POMT1: variants seen among roughly 807,000 people sequenced by gnomAD.
POMT1 encodes the protein protein O-mannosyl-transferase 1.
A neutral mutation model predicts 101.6 loss-of-function variants in POMT1; 85 were observed. The observed-to-expected ratio is 0.84, with a 90% CI of 0.70 to 1.00. The LOEUF (loss-of-function observed/expected upper bound fraction) is 1.00. Among genes scored for constraint, POMT1 ranks in the 50% least tolerant of loss-of-function variants. The probability of loss-of-function intolerance (pLI) is 0.00; values close to 1 mark genes in which losing one functional copy is unlikely to be tolerated. For synonymous variants in POMT1, 371 were observed against 383.0 expected (o/e 0.97, Z 0.37); for missense variants, 857 against 930.4 (o/e 0.92, Z 1.03).
chr9:131,510,089 C>T, intron 8 of POMT1, 93 bp downstream of exon 8: 2 of 1,614,090 alleles, frequency 1.2e-6, no homozygotes, highest in Non-Finnish European at 1.7e-6. Context: ...CTCCAATCCT[C>T]AATGTTTTAG....
intron 17 of POMT1, among the ~76,000 whole-genome samples, chr9:131,520,662 C>T (rs987914339): frequency 2.4e-4 from 37 of 152,204 alleles, no homozygotes; most frequent in Non-Finnish European, 5.9e-5. Flanking sequence ...GCGGGTAGGT[C>T]GGCTCAGCAT....
In POMT1 at chr9:131,515,492, C is replaced by T. The variant is rs1220995045; in HGVS notation, c.1242C>T (p.Ile414=). The T allele has an allele frequency of 1.2e-6, 2 of 1,614,222 alleles. No individual in the cohort carries two copies. The highest frequency in any genetic ancestry group is 3.3e-5 in the Admixed American group (2 of 60,024). The change falls in exon 13 of 20, where the codon ATC becomes ATT. Residue 414 remains isoleucine, a synonymous_variant. Transcript: ENST00000402686. ...QEVSCYIDYN[I]SMPAQNLWRL... ...TCTCCTGCTACATTGACTATAACATCTCCATGCCCGCCCAGAACCTCTGGA... is the reference window on the plus strand; with the variant it reads ...TCTCCTGCTACATTGACTATAACATTTCCATGCCCGCCCAGAACCTCTGGA...
rs1356336104 is a variant in POMT1 at position 131,523,381 on chromosome 9, CATT to C, written c.*276_*278del. ...GTATTTCAGAGGCCAGCGTAGGAGT[CATT>C]GACAACAAAAAGCCGAGAACCCAGG... On this transcript the variant is annotated 3_prime_UTR_variant, in exon 20 of 20. Coordinates refer to ENST00000402686, the MANE Select transcript of POMT1 (RefSeq NM_001077365.2). 3 of 478,894 alleles carry C rather than the reference CATT, an allele frequency of 6.3e-6. No homozygotes were observed. The highest frequency in any genetic ancestry group is 5.9e-5 in the African/African-American group (3 of 50,976). The allele number at this position is 478,894 out of a possible 1,614,324, so 29.7% of individuals were successfully genotyped here. A position where few individuals can be genotyped will look rare whatever the true frequency, so the allele number is the denominator to read the frequency against.
At chr9:131,521,661 A>G (rs1479253219) in intron 18 of POMT1, among the ~76,000 whole-genome samples, 189 bp downstream of exon 18, 1 of 152,030 alleles carries the variant, frequency 6.6e-6, no homozygotes, top group Non-Finnish European at 1.5e-5. Context: ...ATAGGAACCT[A>G]CCCCTTAACG....
intron 13 of POMT1, chr9:131,518,179 A>G (rs894693030): frequency 3.9e-6 from 2 of 517,304 alleles, no homozygotes; most frequent in African/African-American, 2.0e-5. Flanking sequence ...GAAGAACATC[A>G]GGCTTTGTAT....
chr9:131,504,749 GTGTGTA>G (rs1167033018), intron 2 of POMT1, among the ~76,000 whole-genome samples: 1,617 of 29,044 alleles, frequency 0.056, 23 homozygotes, highest in Non-Finnish European at 0.083. Flanking sequence ...ACTGATTAAT[GTGTGTA>G]TGTGTGTGTG....
intron 5 of POMT1, among the ~76,000 whole-genome samples, chr9:131,508,460 G>A (rs753140270): frequency 5.3e-5 from 8 of 152,184 alleles, no homozygotes; most frequent in Non-Finnish European, 1.2e-4. Context: ...GAACCCGGGA[G>A]GCGGAGGTTG....
Position 131,510,254 on chromosome 9 carries a change from T to C in POMT1, c.700-6T>C, listed in dbSNP as rs1446696566. 3 of 1,614,264 alleles carry C rather than the reference T, an allele frequency of 1.9e-6. No individual in the cohort carries two copies. The East Asian group carries it at 6.7e-5, about 36-fold the overall frequency. Reference sequence around the variant, plus strand: ...GGAACATGACTTTTCTTTGAATCTCTGGCAGGTCTGTGTGTTCTGTCACTT... The same window carrying C: ...GGAACATGACTTTTCTTTGAATCTCCGGCAGGTCTGTGTGTTCTGTCACTT... On this transcript the variant is annotated splice_region_variant and splice_polypyrimidine_tract_variant and intron_variant, in intron 8 of 19. Coordinates refer to ENST00000402686, the MANE Select transcript of POMT1 (RefSeq NM_001077365.2).
Position 131,504,254 on chromosome 9 carries a change from G to T in POMT1, c.36G>T (p.Thr12=), listed in dbSNP as rs201262353. The change falls in exon 2 of 20, where the codon ACG becomes ACT. Residue 12 remains threonine, a synonymous_variant. Transcript: ENST00000402686. ...WGFLKRPVVV[T]ADINLSLVAL... Reference sequence around the variant, plus strand: ...TTTTGAAGCGCCCTGTAGTGGTGACGGCTGACATCAACTTGAGCCTTGTGG... The same window carrying T: ...TTTTGAAGCGCCCTGTAGTGGTGACTGCTGACATCAACTTGAGCCTTGTGG... 6.2e-7 allele frequency: 1 copy of T among 1,614,170 alleles called. No individual in the cohort carries two copies. The highest frequency in any genetic ancestry group is 2.2e-5 in the East Asian group (1 of 44,880).
chr9:131,518,952 G>A lies in POMT1; in HGVS notation c.1481G>A (p.Gly494Asp). 1 of 1,613,504 alleles carries A rather than the reference G, an allele frequency of 6.2e-7. No individual in the cohort carries two copies. The highest frequency in any genetic ancestry group is 8.5e-7 in the Non-Finnish European group (1 of 1,180,032). Residue 494 changes from glycine to aspartate, a missense_variant, in exon 15 of 20, where the codon GGC becomes GAC. Physicochemically the swap from Gly to Asp is moderately conservative, Grantham distance 94 (BLOSUM62 -1). Transcript: ENST00000402686. ...TVWNVEEHRY[G>D]ASQEQRERER... ...TGGAACGTGGAGGAGCACCGATACG[G>A]CGCGAGTGAGTCCGCGGCGTGGCTT...
intron 10 of POMT1, chr9:131,511,817 G>A (rs1947170569): frequency 6.7e-6 from 4 of 596,986 alleles, no homozygotes; most frequent in South Asian, 4.0e-5. Flanking sequence ...GAAACTTTAG[G>A]AGAAAGGCGT....
rs1208604667 is a variant in POMT1, at chr9:131,523,129, C to T, written c.*23C>T. ...TAGAACAAGAGTGTGGCAAAGAACA[C>T]CCGTGCTGGGGTCGGGATGAGGTTG... On this transcript the variant is annotated 3_prime_UTR_variant, in exon 20 of 20. Transcript: ENST00000402686. 6.2e-7 allele frequency: 1 copy of T among 1,607,916 alleles called. No homozygotes were observed. Among genetic ancestry groups the T allele is most frequent in the Non-Finnish European group, 8.5e-7 (1 of 1,179,042 alleles).
intron 18 of POMT1, 76 bp from the exon 19 acceptor site, chr9:131,521,971 C>G: frequency 6.2e-7 from 1 of 1,603,072 alleles, no homozygotes; most frequent in Non-Finnish European, 8.5e-7. Flanking sequence ...AACCCTCTCT[C>G]TAAAAAAGCA....
At chr9:131,514,231 C>G (rs1947788737) in intron 12 of POMT1, among the ~76,000 whole-genome samples, 1 of 152,206 alleles carries the variant, frequency 6.6e-6, no homozygotes, top group Non-Finnish European at 1.5e-5. Context: ...GGACCGTGCA[C>G]AACCCACTTG....
In POMT1 at chr9:131,503,926, C is replaced by T. The variant is rs538738975; in HGVS notation, c.-30-263C>T. Among the ~76,000 whole-genome samples, 31 of 152,184 alleles carry T rather than the reference C, an allele frequency of 2.0e-4. No individual in the cohort carries two copies. The highest frequency in any genetic ancestry group is 3.8e-4 in the Non-Finnish European group (26 of 68,028). Reference sequence around the variant, plus strand: ...CTTAGCAGTGTTCTCGCGCCCAAGACGTGCTCGGCAGGTTTTGTGGAATGA... The same window carrying T: ...CTTAGCAGTGTTCTCGCGCCCAAGATGTGCTCGGCAGGTTTTGTGGAATGA... On this transcript the variant is annotated intron_variant, in intron 1 of 19. Transcript: ENST00000402686. The surrounding 1 kb of genome is among the most constrained non-coding windows in gnomAD (Gnocchi z 4.4).
chr9:131,505,766 G>C lies in POMT1; in HGVS notation c.123-348G>C, dbSNP rs149965169. 0.018 allele frequency among the ~76,000 whole-genome samples: 2,746 copies of C among 150,382 alleles called. 28 individuals are homozygous for C. Among genetic ancestry groups the C allele is most frequent in the Non-Finnish European group, 0.029 (1,985 of 67,428 alleles). ...GTGCTGCTGGTGGGGGCGGGGGTGG[G>C]GGGGTTGGGTAGGTGGGTAAGCAGG... On this transcript the variant is annotated intron_variant, in intron 2 of 19. Transcript: ENST00000402686.
At chr9:131,506,865 G>A (rs376914397) in intron 4 of POMT1, 4 of 282,680 alleles carry the variant, frequency 1.4e-5, no homozygotes, top group East Asian at 1.8e-4. Flanking sequence ...TCAGGAGATC[G>A]AGACCATTAT....
chr9:131,521,979 G>A, intron 18 of POMT1, 68 bp from the exon 19 acceptor site: 2 of 1,606,820 alleles, frequency 1.2e-6, no homozygotes, highest in South Asian at 1.1e-5. Context: ...CTCTAAAAAA[G>A]CAAAAGAGAG....
At position 131,510,251 on chromosome 9, in the gene POMT1, C is replaced by A; in HGVS notation, c.700-9C>A. The A allele has an allele frequency of 6.2e-7, 1 of 1,614,236 alleles. No individual in the cohort carries two copies. On this transcript the variant is annotated splice_polypyrimidine_tract_variant and intron_variant, in intron 8 of 19. Coordinates refer to ENST00000402686, the MANE Select transcript of POMT1 (RefSeq NM_001077365.2). ...AGTGGAACATGACTTTTCTTTGAAT[C>A]TCTGGCAGGTCTGTGTGTTCTGTCA...
Sources: gnomAD v4.1 joint callset for allele counts (sites outside exome capture counted in the v4.1 genomes callset) on GRCh38, gnomAD v4.1.1 for gene constraint, Gnocchi (gnomAD v3.1) non-coding constraint, MANE v1.5 for transcripts, NCBI Gene and HGNC (gene_info 2026-07-23, HGNC 2026-07-21) for gene names.